NOLC1: variants seen among roughly 807,000 people sequenced by gnomAD.
The protein encoded by NOLC1 is nucleolar and coiled-body phosphoprotein 1.
NOLC1 carries 37 observed loss-of-function variants against 73.4 expected under a neutral mutation model. The ratio of observed to expected loss-of-function variants is 0.50; its 90% CI spans 0.39 to 0.66. The LOEUF is 0.66. Among genes scored for constraint, NOLC1 ranks in the 30% least tolerant of loss-of-function variants. The probability of loss-of-function intolerance (pLI) is 0.00; values close to 1 mark genes in which losing one functional copy is unlikely to be tolerated. For missense variants in NOLC1, 921 were observed against 838.9 expected, an observed-to-expected ratio of 1.10 and a Z score of -1.21; for synonymous variants, 327 against 302.6, an observed-to-expected ratio of 1.08 and a Z score of -0.84.
In NOLC1 at chr10:102,159,484, A is replaced by T. The variant is rs769097376; in HGVS notation, c.775A>T (p.Thr259Ser). Residue 259 changes from threonine to serine, a missense_variant, in exon 7 of 13, where the codon ACC becomes TCC. Thr to Ser is a moderately conservative substitution (Grantham distance 58). Coordinates refer to ENST00000605788, the MANE Select transcript of NOLC1 (RefSeq NM_004741.5). ...VAKAPVKAAT[T>S]PTRKSSSSED... ...CAAGGCCCCAGTGAAAGCAGCTACC[A>T]CCCCTACCCGGAAGAGTTCTAGCAG... 1.2e-6 allele frequency: 2 copies of T among 1,613,950 alleles called. No individual in the cohort carries two copies. Among genetic ancestry groups the T allele is most frequent in the African/African-American group, 1.3e-5 (1 of 74,874 alleles).
intron 1 of NOLC1, 48 bp downstream of exon 1, chr10:102,152,578 CT>C: frequency 1.2e-6 from 2 of 1,610,222 alleles, no homozygotes; most frequent in Non-Finnish European, 1.7e-6. Flanking sequence ...GACCACAAGG[CT>C]TCAGGCCCTG....
At chr10:102,161,214 G>A (rs2069704271) in intron 10 of NOLC1, 121 bp downstream of exon 10, 2 of 1,070,660 alleles carry the variant, frequency 1.9e-6, no homozygotes, top group South Asian at 1.7e-5. Flanking sequence ...TGGAAACTGG[G>A]AGGAAGAACA....
chr10:102,153,505 C>T (rs542274558), intron 1 of NOLC1, among the ~76,000 whole-genome samples: 52 of 152,236 alleles, frequency 3.4e-4, no homozygotes, highest in African/African-American at 1.2e-3. Flanking sequence ...AATCAGGCTG[C>T]GAAAGCAAAG....
chr10:102,162,219 G>A lies in NOLC1; in HGVS notation c.2050G>A (p.Gly684Arg). 6.2e-7 allele frequency: 1 copy of A among 1,614,100 alleles called. No individual in the cohort carries two copies. Among genetic ancestry groups the A allele is most frequent in the South Asian group, 1.1e-5 (1 of 91,082 alleles). ...CAAGAAGAAGCGGGGCAGCTACCGG[G>A]GAGGCTCAATCTCTGTCCAGGTCAA... ...KTKKKRGSYR[G>R]GSISVQVNSI... The change falls in exon 13 of 13, where the codon GGA becomes AGA. Residue 684 changes from glycine (G) to arginine (R), a missense_variant. Physicochemically the swap from Gly to Arg is moderately radical, Grantham distance 125. Transcript: ENST00000605788.
At chr10:102,153,524 C>A (rs760316419) in intron 1 of NOLC1, among the ~76,000 whole-genome samples, 8 of 152,214 alleles carry the variant, frequency 5.3e-5, no homozygotes, top group Non-Finnish European at 1.2e-4. Flanking sequence ...AGAATCAGAT[C>A]AGCCTCAAAA....
In NOLC1 at chr10:102,160,586, G is replaced by T. The variant is rs767624483; in HGVS notation, c.1234G>T (p.Gly412Cys). The T allele has an allele frequency of 5.0e-6, 8 of 1,614,060 alleles. No homozygotes were observed. The Middle Eastern group carries it at 9.9e-4, about 199-fold the overall frequency. Residue 412 changes from glycine to cysteine, a missense_variant, in exon 10 of 13, where the codon GGT becomes TGT. Gly to Cys is a radical substitution (Grantham distance 159). Transcript: ENST00000605788. ...TGCAGCCCCCAAGCAACCTGTGGGC[G>T]GTGGCCAGAAGCTTCTGACGAGAAA... is the stretch of plus-strand genomic sequence containing the variant. ...PAAAPKQPVG[G>C]GQKLLTRKAD...
intron 7 of NOLC1, 87 bp downstream of exon 7, chr10:102,159,655 A>G: frequency 7.3e-7 from 1 of 1,363,500 alleles, no homozygotes; most frequent in Non-Finnish European, 1.0e-6. Context: ...GAGGTGCATG[A>G]GCGTCCTCAT....
Position 102,161,877 on chromosome 10 carries a change from G to A in NOLC1, c.1893G>A (p.Glu631=). 3 of 1,614,160 alleles carry A rather than the reference G, an allele frequency of 1.9e-6. No homozygotes were observed. The highest frequency in any genetic ancestry group is 1.7e-6 in the Non-Finnish European group (2 of 1,180,038). Residue 631 remains glutamate (E), a synonymous_variant, in exon 12 of 13, where the codon GAG becomes GAA. Transcript: ENST00000605788. ...CCCCATTCCGAAGGGTCAGGGAGGA[G>A]GAAATTGAGGTGGATTCACGAGTTG... is the stretch of plus-strand genomic sequence containing the variant. ...ASSPFRRVRE[E]EIEVDSRVAD...
At position 102,157,556 on chromosome 10, in the gene NOLC1, G is replaced by T; in HGVS notation, c.441+1G>T. The T allele has an allele frequency of 6.2e-7, 1 of 1,613,506 alleles. No homozygotes were observed. Among genetic ancestry groups the T allele is most frequent in the Non-Finnish European group, 8.5e-7 (1 of 1,179,752 alleles). On this transcript the variant is annotated splice_donor_variant, in intron 4 of 12. Coordinates refer to ENST00000605788, the MANE Select transcript of NOLC1 (RefSeq NM_004741.5). LOFTEE classifies it high-confidence loss of function. Reference sequence around the variant, plus strand: ...GGACCAAAAGAAACAGCCTGTCCAGGTTTGCAGCTTTGGGAAGAAAAAGGG... The same window carrying T: ...GGACCAAAAGAAACAGCCTGTCCAGTTTTGCAGCTTTGGGAAGAAAAAGGG...
Position 102,159,530 on chromosome 10 carries a change from A to G in NOLC1, c.821A>G (p.Glu274Gly), listed in dbSNP as rs781401962. Residue 274 changes from glutamate to glycine, a missense_variant, in exon 7 of 13, where the codon GAG becomes GGG. Coordinates refer to ENST00000605788, the MANE Select transcript of NOLC1 (RefSeq NM_004741.5). ...SSSSEDSSSD[E>G]EEEQKKPMKN... The stretch of plus-strand genomic sequence containing the variant: ...AGCAGTGAGGATTCCTCCAGTGACG[A>G]GGAAGAGGAGCAAAAAAAACCCATG... 1.2e-6 allele frequency: 2 copies of G among 1,614,186 alleles called. No individual in the cohort carries two copies. Among genetic ancestry groups the G allele is most frequent in the African/African-American group, 1.3e-5 (1 of 75,056 alleles).
chr10:102,152,393 A>C lies in NOLC1; in HGVS notation c.-18A>C. ...TCGTGCTGCGTCGACAACGGTAGTG[A>C]CGCGTATTGCCTGGAGGATGGCGGA... On this transcript the variant is annotated 5_prime_UTR_variant, in exon 1 of 13. Coordinates refer to ENST00000605788, the MANE Select transcript of NOLC1 (RefSeq NM_004741.5). The C allele has an allele frequency of 6.2e-7, 1 of 1,606,986 alleles. No individual in the cohort carries two copies. Among genetic ancestry groups the C allele is most frequent in the African/African-American group, 1.3e-5 (1 of 75,050 alleles).
chr10:102,159,387 T>G, intron 6 of NOLC1, 46 bp from the exon 7 acceptor site: 4 of 1,613,682 alleles, frequency 2.5e-6, no homozygotes, highest in Non-Finnish European at 3.4e-6. Flanking sequence ...GCAGGATTGG[T>G]TGGGTCAGCA....
In NOLC1 at chr10:102,158,011, G is replaced by A. The variant is rs1490234681; in HGVS notation, c.442-38G>A. 4 of 1,594,266 alleles carry A rather than the reference G, an allele frequency of 2.5e-6. No homozygotes were observed. The Admixed American group carries it at 7.1e-5, about 28-fold the overall frequency. On this transcript the variant is annotated intron_variant, in intron 4 of 12. Transcript: ENST00000605788. ...TAGGATGCCCTTTGGGTACCCGGAA[G>A]CTTTTGCTGATTTCTCTCCTTGTGT...
intron 5 of NOLC1, 101 bp downstream of exon 5, chr10:102,158,315 G>A (rs1051019262): frequency 5.3e-6 from 5 of 946,430 alleles, no homozygotes; most frequent in Non-Finnish European, 7.7e-6. Context: ...GGTACTGTTT[G>A]TTGAACTGGA....
chr10:102,159,649 T>G, intron 7 of NOLC1, 81 bp downstream of exon 7: 1 of 1,403,660 alleles, frequency 7.1e-7, no homozygotes, highest in Non-Finnish European at 9.7e-7. Context: ...TCCATAGAGG[T>G]GCATGAGCGT....
At chr10:102,160,055 C>T (rs202179593) in intron 8 of NOLC1, 31 bp downstream of exon 8, 65 of 1,606,898 alleles carry the variant, frequency 4.0e-5, no homozygotes, top group Middle Eastern at 1.7e-4. Flanking sequence ...CTCCCCTCAG[C>T]GTGGGTCTGG....
At chr10:102,162,079 CCT>C in intron 12 of NOLC1, 30 bp from the exon 13 acceptor site, 1 of 1,611,228 alleles carries the variant, frequency 6.2e-7, no homozygotes, top group Non-Finnish European at 8.5e-7. Context: ...GCATGGTCCT[CCT>C]CTGTGTTAAT....
chr10:102,156,696 G>C (rs1048161513), intron 1 of NOLC1, among the ~76,000 whole-genome samples: 1 of 152,130 alleles, frequency 6.6e-6, no homozygotes, highest in East Asian at 1.9e-4. Context: ...GCCTCCCAAA[G>C]TGCTGGGATT....
At chr10:102,155,595 G>T (rs1025224534) in intron 1 of NOLC1, among the ~76,000 whole-genome samples, 2 of 150,442 alleles carry the variant, frequency 1.3e-5, no homozygotes, top group African/African-American at 4.9e-5. Flanking sequence ...TGCAACCTCA[G>T]CCTCCTGGGT....
Sources: allele counts gnomAD v4.1 joint callset (sites outside exome capture counted in the v4.1 genomes callset), GRCh38; gene constraint gnomAD v4.1.1; transcripts MANE v1.5; gene names NCBI Gene and HGNC (gene_info 2026-07-23, HGNC 2026-07-21).